Variants in STIM1 observed in about 807,000 individuals in gnomAD.
STIM1 encodes the protein stromal interaction molecule 1.
A neutral mutation model predicts 74.7 loss-of-function variants in STIM1; 25 were observed. The observed-to-expected ratio is 0.33, with a 90% confidence interval of 0.24 to 0.47. STIM1 has a LOEUF of 0.47. Ranked by LOEUF, STIM1 falls within the 20% of genes least tolerant of loss-of-function variation. STIM1 has a pLI of 1.00. For missense variants in STIM1, 728 were observed against 920.8 expected, an observed-to-expected ratio of 0.79 and a Z score of 2.71; for synonymous variants, 328 against 348.8, an observed-to-expected ratio of 0.94 and a Z score of 0.66.
At chr11:4,056,548 A>G (rs548085898) in intron 4 of STIM1, among the ~76,000 whole-genome samples, 1 of 152,316 alleles carries the variant, frequency 6.6e-6, no homozygotes, top group African/African-American at 2.4e-5. Flanking sequence ...TCATCTTATT[A>G]TGTAGGTGCA....
At position 4,016,439 on chromosome 11, in the gene STIM1, C is replaced by G. The variant is rs529235654; in HGVS notation, c.271-7434C>G. 1.1e-4 allele frequency among the ~76,000 whole-genome samples: 17 copies of G among 152,288 alleles called. No homozygotes were observed. In the South Asian group the frequency reaches 3.5e-3, roughly 32 times the overall value. ...CTGGAAGCTTTGTCCCAGAGGGTCA[C>G]CCGCCTGTATGAGGTGTCTGTCAGT... On this transcript the variant is annotated intron_variant, in intron 2 of 12. Transcript: ENST00000526596.
intron 3 of STIM1, among the ~76,000 whole-genome samples, chr11:4,046,077 T>TTTG (rs1565158688): frequency 7.9e-6 from 1 of 127,262 alleles, no homozygotes; most frequent in Non-Finnish European, 1.7e-5. Flanking sequence ...TTTTTTTTTT[T>TTTG]TTTTTTTGAG....
At chr11:3,949,931 A>G (rs542271830) in intron 1 of STIM1, among the ~76,000 whole-genome samples, 2 of 152,204 alleles carry the variant, frequency 1.3e-5, no homozygotes, top group South Asian at 4.1e-4. Context: ...TTCTTTTATA[A>G]CCACTCCCGT....
intron 2 of STIM1, among the ~76,000 whole-genome samples, chr11:3,982,481 C>T (rs536320418): frequency 1.4e-4 from 21 of 152,160 alleles, no homozygotes; most frequent in Non-Finnish European, 1.9e-4. Flanking sequence ...AGTATTTCTA[C>T]TTCTTTAACT....
intron 1 of STIM1, among the ~76,000 whole-genome samples, chr11:3,950,479 T>G (rs1272839937): frequency 6.6e-6 from 1 of 152,086 alleles, no homozygotes; most frequent in Non-Finnish European, 1.5e-5. Context: ...ACATAAGTAC[T>G]GGAGTTTAAC....
intron 3 of STIM1, among the ~76,000 whole-genome samples, chr11:4,029,638 G>A (rs921501175): frequency 6.6e-6 from 1 of 151,998 alleles, no homozygotes; most frequent in African/African-American, 2.4e-5. Context: ...TGTGGTGTGT[G>A]CGTATGTGTG....
Position 4,052,783 on chromosome 11 carries a change from C to T in STIM1, c.386-2743C>T, listed in dbSNP as rs2094254075. Among the ~76,000 whole-genome samples, 3 of 152,126 alleles carry T rather than the reference C, an allele frequency of 2.0e-5. No homozygotes were observed. The South Asian group carries it at 6.2e-4, about 31-fold the overall frequency. The stretch of plus-strand genomic sequence containing the variant: ...AGCTTCTGCTCAGCAGAAGAAACTA[C>T]CATCAGAGTGAACAGGCAACCTACA... On this transcript the variant is annotated intron_variant, in intron 3 of 12. Coordinates refer to ENST00000526596, the MANE Select transcript of STIM1 (RefSeq NM_001382567.1).
chr11:4,066,352 G>T (rs1282989902), intron 5 of STIM1, among the ~76,000 whole-genome samples: 2 of 152,154 alleles, frequency 1.3e-5, no homozygotes, highest in Non-Finnish European at 2.9e-5. Context: ...GCTGGCATTT[G>T]CCCTCTATAT....
intron 5 of STIM1, among the ~76,000 whole-genome samples, chr11:4,067,857 G>C (rs1245363603): frequency 6.6e-6 from 1 of 152,200 alleles, no homozygotes; most frequent in East Asian, 1.9e-4. Context: ...GATTTATTGA[G>C]TGACTTCTGT....
At chr11:4,045,690 G>A (rs1457630647) in intron 3 of STIM1, among the ~76,000 whole-genome samples, 2 of 151,068 alleles carry the variant, frequency 1.3e-5, no homozygotes, top group South Asian at 2.1e-4. Flanking sequence ...GGGCTCAGGC[G>A]ATCCACCTGT....
chr11:4,045,638 A>G (rs1399093594), intron 3 of STIM1, among the ~76,000 whole-genome samples: 1 of 151,404 alleles, frequency 6.6e-6, no homozygotes, highest in Non-Finnish European at 1.5e-5. Context: ...TTTTTTGTAG[A>G]GATGGGTTTT....
chr11:3,888,082 T>G (rs1238607462), intron 1 of STIM1: 1 of 152,298 alleles, frequency 6.6e-6, no homozygotes. Context: ...TCTGCACTTG[T>G]TCCATTTCTG....
chr11:3,998,485 C>G (rs879727923), intron 2 of STIM1, among the ~76,000 whole-genome samples: 1 of 152,130 alleles, frequency 6.6e-6, no homozygotes, highest in Non-Finnish European at 1.5e-5. Context: ...AGGACAAACT[C>G]GAGAGACACT....
intron 2 of STIM1, among the ~76,000 whole-genome samples, chr11:3,978,754 A>G (rs950840053): frequency 2.6e-5 from 4 of 151,944 alleles, no homozygotes; most frequent in Non-Finnish European, 5.9e-5. Flanking sequence ...CAGAGTAGAA[A>G]TGTCATGAGA....
At chr11:4,005,869 A>G (rs775748842) in intron 2 of STIM1, among the ~76,000 whole-genome samples, 7 of 152,200 alleles carry the variant, frequency 4.6e-5, no homozygotes, top group Non-Finnish European at 8.8e-5. Flanking sequence ...GTGGAAACAG[A>G]TATTTCACTC....
intron 1 of STIM1, among the ~76,000 whole-genome samples, chr11:3,895,631 T>C (rs2092053015): frequency 3.4e-4 from 2 of 5,844 alleles, no homozygotes; most frequent in African/African-American, 6.9e-4. Context: ...TCTTTCTTTC[T>C]TTCTTTCTTT....
intron 6 of STIM1, among the ~76,000 whole-genome samples, chr11:4,072,208 C>T (rs1267196119): frequency 1.3e-5 from 2 of 152,146 alleles, no homozygotes; most frequent in East Asian, 3.9e-4. Flanking sequence ...AAAGACACCC[C>T]TCCCCTTTTC....
chr11:3,987,084 AG>A (rs1251472205), intron 2 of STIM1, among the ~76,000 whole-genome samples: 2 of 151,998 alleles, frequency 1.3e-5, no homozygotes, highest in African/African-American at 4.8e-5. Flanking sequence ...TCCCTTGACA[AG>A]GGGGCTCATA....
At chr11:3,926,673 A>C (rs916757766) in intron 1 of STIM1, among the ~76,000 whole-genome samples, 2 of 152,228 alleles carry the variant, frequency 1.3e-5, no homozygotes, top group African/African-American at 4.8e-5. Context: ...CCTTACTCAG[A>C]TGCTTTATCT....
Sources: allele counts gnomAD v4.1 joint callset (sites outside exome capture counted in the v4.1 genomes callset), GRCh38; gene constraint gnomAD v4.1.1; transcripts MANE v1.5; gene names NCBI Gene and HGNC (gene_info 2026-07-23, HGNC 2026-07-21).